Variants in FOXN3 observed in about 807,000 individuals in gnomAD.
The protein encoded by FOXN3 is forkhead box protein N3.
Under a neutral mutation model 38.4 loss-of-function variants are expected in FOXN3, and 7 were observed. The ratio of observed to expected loss-of-function variants is 0.18; its 90% CI spans 0.10 to 0.34. The LOEUF is 0.34. Ranked by LOEUF, FOXN3 falls within the 10% of genes least tolerant of loss-of-function variation. The pLI, the probability that FOXN3 is intolerant of heterozygous loss-of-function variation, is 1.00. For missense variants in FOXN3, 456 were observed against 613.4 expected (o/e 0.74, Z 2.71); for synonymous variants, 230 against 242.2 (o/e 0.95, Z 0.47).
chr14:89,492,432 T>TC lies in FOXN3; in HGVS notation c.-14-79943_-14-79942insG, dbSNP rs1893598805. 2.0e-5 allele frequency among the ~76,000 whole-genome samples: 3 copies of TC among 148,982 alleles called. No homozygotes were observed. In the South Asian group the frequency reaches 6.5e-4, roughly 32 times the overall value. ...CTCGTCCTCTGAGAATGGAGCTGCC[T>TC]TCGGTATGAGCCACCATTAAAAAGT... is the stretch of plus-strand genomic sequence containing the variant. On this transcript the variant is annotated intron_variant, in intron 1 of 6. Transcript: ENST00000345097.
intron 3 of FOXN3, among the ~76,000 whole-genome samples, chr14:89,283,788 T>C (rs1295351749): frequency 1.3e-5 from 2 of 152,248 alleles, no homozygotes; most frequent in Non-Finnish European, 2.9e-5. Flanking sequence ...TACCATTTAC[T>C]GAGCATAGTA....
At chr14:89,441,068 A>T (rs188733162) in intron 1 of FOXN3, among the ~76,000 whole-genome samples, 102 of 152,208 alleles carry the variant, frequency 6.7e-4, no homozygotes, top group Admixed American at 1.6e-3. Context: ...TAAGTATGAG[A>T]AAGTGGCCGA....
intron 3 of FOXN3, among the ~76,000 whole-genome samples, chr14:89,318,855 A>G (rs551434918): frequency 6.6e-6 from 1 of 152,310 alleles, no homozygotes; most frequent in East Asian, 1.9e-4. Context: ...ATTCTATTTC[A>G]TGGGCAATGT....
chr14:89,599,478 A>G (rs117184197), intron 1 of FOXN3, among the ~76,000 whole-genome samples: 7 of 152,300 alleles, frequency 4.6e-5, no homozygotes, highest in Non-Finnish European at 8.8e-5. Flanking sequence ...TCCTTGAAAC[A>G]TATTAATCAC....
chr14:89,446,464 C>T (rs1892503436), intron 1 of FOXN3, among the ~76,000 whole-genome samples: 1 of 151,892 alleles, frequency 6.6e-6, no homozygotes, highest in Non-Finnish European at 1.5e-5. Flanking sequence ...GCTGAGATTA[C>T]AGGCATGAGC....
rs753923069 is a variant in FOXN3, at chr14:89,162,471, G to A, written c.1350C>T (p.Asn450=). ...GCCCCTTTGCCGTCCGATTGGTGAT[G>A]TTATTCAAACAGGACCGGATCCCTG... ...HLAGIRSCLN[N]ITNRTAKGQK... Residue 450 remains asparagine (N), a synonymous_variant, in exon 6 of 6, where the codon AAC becomes AAT. Transcript: ENST00000557258. This position sits in a 1 kb window ranked among gnomAD's most constrained non-coding sequence, Gnocchi z 7.2. The A allele has an allele frequency of 1.2e-6, 2 of 1,604,714 alleles. No individual in the cohort carries two copies. Among genetic ancestry groups the A allele is most frequent in the Non-Finnish European group, 1.7e-6 (2 of 1,175,912 alleles).
At chr14:89,245,540 T>A (rs1885268008) in intron 4 of FOXN3, among the ~76,000 whole-genome samples, 1 of 152,056 alleles carries the variant, frequency 6.6e-6, no homozygotes, top group Non-Finnish European at 1.5e-5. Flanking sequence ...GGGTATTTCT[T>A]GTAGGATACT....
intron 1 of FOXN3, among the ~76,000 whole-genome samples, chr14:89,534,784 G>A (rs1183778348): frequency 1.3e-5 from 2 of 152,202 alleles, no homozygotes; most frequent in African/African-American, 4.8e-5. Flanking sequence ...CAAGGTATGA[G>A]AACGGATGCG....
intron 1 of FOXN3, among the ~76,000 whole-genome samples, chr14:89,445,641 A>T (rs1892476294): frequency 6.6e-6 from 1 of 152,046 alleles, no homozygotes. Flanking sequence ...AGGCCTTTTC[A>T]CACTGCCGTA....
chr14:89,429,531 A>ATT (rs36009008), intron 1 of FOXN3, among the ~76,000 whole-genome samples: 15 of 147,674 alleles, frequency 1.0e-4, no homozygotes, highest in Admixed American at 2.7e-4. Context: ...GACACAACTG[A>ATT]TTTTTTTTTT....
intron 1 of FOXN3, among the ~76,000 whole-genome samples, chr14:89,598,611 CTCT>C (rs1325295267): frequency 5.3e-5 from 8 of 152,182 alleles, no homozygotes; most frequent in Non-Finnish European, 8.8e-5. Flanking sequence ...ATATCTTTAA[CTCT>C]TCTTCATTTT....
intron 1 of FOXN3, among the ~76,000 whole-genome samples, chr14:89,585,883 T>G (rs1895831946): frequency 6.6e-6 from 1 of 151,840 alleles, no homozygotes; most frequent in African/African-American, 2.4e-5. Flanking sequence ...TAGGGCAGGA[T>G]GAAGGAGATT....
chr14:89,205,281 G>A (rs1231196407), intron 4 of FOXN3, among the ~76,000 whole-genome samples: 4 of 152,194 alleles, frequency 2.6e-5, no homozygotes, highest in African/African-American at 9.6e-5. Context: ...ATGAGGAGGT[G>A]AGGCCTTTGG....
chr14:89,225,127 CAAA>C (rs35426984), intron 4 of FOXN3, among the ~76,000 whole-genome samples: 12 of 102,288 alleles, frequency 1.2e-4, no homozygotes, highest in Admixed American at 1.1e-4. Context: ...GACTCCATCT[CAAA>C]AAAAAAAAAA....
intron 1 of FOXN3, among the ~76,000 whole-genome samples, chr14:89,537,133 G>A (rs552428999): frequency 6.6e-6 from 1 of 152,282 alleles, no homozygotes; most frequent in Non-Finnish European, 1.5e-5. Context: ...TTATGTGTCT[G>A]AATCCACATC....
intron 4 of FOXN3, among the ~76,000 whole-genome samples, chr14:89,206,048 A>G (rs950130099): frequency 1.8e-4 from 27 of 152,350 alleles, no homozygotes; most frequent in Non-Finnish European, 3.4e-4. Flanking sequence ...AGAACCAGAG[A>G]GCAAGCTGGC....
At chr14:89,582,244 T>C (rs1895754845) in intron 1 of FOXN3, among the ~76,000 whole-genome samples, 1 of 152,088 alleles carries the variant, frequency 6.6e-6, no homozygotes, top group Non-Finnish European at 1.5e-5. Context: ...CCGCTCCTCA[T>C]CTCTACCAGG....
At chr14:89,322,783 G>A (rs1370691874) in intron 3 of FOXN3, among the ~76,000 whole-genome samples, 1 of 151,972 alleles carries the variant, frequency 6.6e-6, no homozygotes, top group Non-Finnish European at 1.5e-5. Context: ...GGGAGTCAAT[G>A]GCAGCTATCC....
intron 1 of FOXN3, among the ~76,000 whole-genome samples, chr14:89,497,476 G>T (rs1380772422): frequency 6.7e-6 from 1 of 148,344 alleles, no homozygotes; most frequent in Non-Finnish European, 1.5e-5. Context: ...GCGCGATCTC[G>T]GCTCACTACA....
Sources: gnomAD v4.1 joint callset for allele counts (sites outside exome capture counted in the v4.1 genomes callset) on GRCh38, gnomAD v4.1.1 for gene constraint, Gnocchi (gnomAD v3.1) non-coding constraint, MANE v1.5 for transcripts, NCBI Gene and HGNC (gene_info 2026-07-23, HGNC 2026-07-21) for gene names.